The following PCDHA3 variants were observed in gnomAD, a reference collection of about 807,000 sequenced individuals.
The protein encoded by PCDHA3 is protocadherin alpha-3.
In PCDHA3, 41 loss-of-function variants were observed where a neutral mutation model predicts 62.2. The ratio of observed to expected loss-of-function variants is 0.66; its 90% CI spans 0.51 to 0.86. The LOEUF is 0.86. Among genes scored for constraint, PCDHA3 ranks in the 40% least tolerant of loss-of-function variants. PCDHA3 has a pLI of 0.00. For synonymous variants in PCDHA3, 640 were observed against 555.4 expected (o/e 1.15, Z -2.14); for missense variants, 1,304 against 1,241.2 (o/e 1.05, Z -0.76).
At chr5:140,858,437 G>A (rs1343643925) in intron 1 of PCDHA3, 1 of 1,541,834 alleles carries the variant, frequency 6.5e-7, no homozygotes, top group Non-Finnish European at 8.8e-7. Flanking sequence ...CTCTAGGAAG[G>A]TGGGTTATTA....
intron 1 of PCDHA3, chr5:140,836,747 T>A: frequency 1.9e-6 from 3 of 1,587,224 alleles, no homozygotes; most frequent in Non-Finnish European, 2.6e-6. Flanking sequence ...ATGTGAGTCA[T>A]AAATAATCTT....
chr5:140,876,873 C>G (rs781921402), intron 1 of PCDHA3: 1 of 1,614,128 alleles, frequency 6.2e-7, no homozygotes, highest in Non-Finnish European at 8.5e-7. Context: ...TGAAGGAGAA[C>G]AACCCGCCGG....
rs971447494 is a variant in PCDHA3, at chr5:140,855,570, A to G, written c.2394+51979A>G. 1.4e-4 allele frequency among the ~76,000 whole-genome samples: 21 copies of G among 149,936 alleles called. 2 individuals carry two copies. Among genetic ancestry groups the G allele is most frequent in the African/African-American group, 5.1e-4 (21 of 40,914 alleles). ...GAACTTAAATGGAACTAAAGTTGTCATTTAATAAAATATTAGTATACTCAG... is the reference window on the plus strand; with the variant it reads ...GAACTTAAATGGAACTAAAGTTGTCGTTTAATAAAATATTAGTATACTCAG... On this transcript the variant is annotated intron_variant, in intron 1 of 3. Transcript: ENST00000522353.
intron 1 of PCDHA3, chr5:140,805,617 G>A: frequency 1.1e-6 from 1 of 920,386 alleles, no homozygotes; most frequent in Non-Finnish European, 1.3e-6. Flanking sequence ...CTTTATGTAA[G>A]AAAATGTATT....
chr5:140,811,740 C>T (rs1264777389), intron 1 of PCDHA3: 1 of 152,194 alleles, frequency 6.6e-6, no homozygotes, highest in African/African-American at 2.4e-5. Context: ...TTGCATTTCT[C>T]TGATGACCAG....
At chr5:140,865,067 T>C (rs2048722686) in intron 1 of PCDHA3, 1 of 152,340 alleles carries the variant, frequency 6.6e-6, no homozygotes, top group South Asian at 2.1e-4. Context: ...ATAACTTAAG[T>C]ATAAGAACCA....
chr5:140,880,416 C>T lies in PCDHA3; in HGVS notation c.2394+76825C>T, dbSNP rs188503917. ...AAGAGCATATGGTTGACCTTAAAAG[C>T]GGGAACAGTTTTTCCTTACAACTAG... On this transcript the variant is annotated intron_variant, in intron 1 of 3. Coordinates refer to ENST00000522353, the MANE Select transcript of PCDHA3 (RefSeq NM_018906.3). Among the ~76,000 whole-genome samples, 429 of 152,140 alleles carry T rather than the reference C, an allele frequency of 2.8e-3. 2 individuals carry two copies. Among genetic ancestry groups the T allele is most frequent in the Middle Eastern group, 0.014 (4 of 294 alleles).
In PCDHA3 at chr5:140,862,844, C is replaced by T. The variant is rs782433146; in HGVS notation, c.2394+59253C>T. 8 of 571,262 alleles carry T rather than the reference C, an allele frequency of 1.4e-5. No homozygotes were observed. In the East Asian group the frequency reaches 3.8e-4, roughly 27 times the overall value. The allele number at this position is 571,262 out of a possible 1,614,324, so 35.4% of individuals were successfully genotyped here. ...AGAGCGCGCGACGCGGGCATGCCGC[C>T]TCTGAGCAGCAATGTGACGCTGCCA... is the stretch of plus-strand genomic sequence containing the variant. On this transcript the variant is annotated intron_variant, in intron 1 of 3. Coordinates refer to ENST00000522353, the MANE Select transcript of PCDHA3 (RefSeq NM_018906.3).
intron 1 of PCDHA3, chr5:140,877,813 G>A (rs781966059): frequency 6.2e-7 from 1 of 1,610,266 alleles, no homozygotes; most frequent in Admixed American, 1.7e-5. Context: ...GCTGTCTCGA[G>A]AAGATTGTTT....
intron 1 of PCDHA3, chr5:140,812,064 T>G (rs1765026594): frequency 6.6e-6 from 1 of 151,886 alleles, no homozygotes; most frequent in African/African-American, 2.4e-5. Context: ...TTTTTTTTTT[T>G]GGAAGAGTTT....
intron 1 of PCDHA3, chr5:140,827,813 G>T (rs1489929316): frequency 5.5e-6 from 2 of 360,766 alleles, no homozygotes; most frequent in Admixed American, 4.3e-5. Flanking sequence ...CGTGAGGAGG[G>T]TTTACTATAA....
intron 3 of PCDHA3, among the ~76,000 whole-genome samples, chr5:140,995,578 T>C (rs1554254730): frequency 1.3e-5 from 2 of 152,256 alleles, no homozygotes; most frequent in African/African-American, 4.8e-5. Flanking sequence ...AGATGAGCTA[T>C]GAGCTTTTAA....
At chr5:140,863,300 C>G (rs1554158081) in intron 1 of PCDHA3, 16 of 1,463,970 alleles carry the variant, frequency 1.1e-5, no homozygotes, top group Non-Finnish European at 1.5e-5. Context: ...CTGATCATCG[C>G]CATCTGCGTG....
At chr5:140,988,805 C>T (rs782160959) in intron 3 of PCDHA3, 8 of 152,232 alleles carry the variant, frequency 5.3e-5, no homozygotes, top group African/African-American at 1.4e-4. Context: ...GAATTTCTTC[C>T]GTAACAGTAG....
rs912184171 is a variant in PCDHA3 at position 140,852,142 on chromosome 5, T to G, written c.2394+48551T>G. 6 of 876,650 alleles carry G rather than the reference T, an allele frequency of 6.8e-6. No individual in the cohort carries two copies. In the African/African-American group the frequency reaches 1.1e-4, roughly 16 times the overall value. The allele number at this position is 876,650 out of a possible 1,614,324, so 54.3% of individuals were successfully genotyped here. ...TAATTAAAAACTCAGTAGAGAAAGA[T>G]CAGAATGGCCTTGAGAATAGAGCCA... On this transcript the variant is annotated intron_variant, in intron 1 of 3. Transcript: ENST00000522353.
At chr5:140,981,629 G>A (rs1342775971) in intron 2 of PCDHA3, among the ~76,000 whole-genome samples, 1 of 151,994 alleles carries the variant, frequency 6.6e-6, no homozygotes. Flanking sequence ...GGTTTTCTTG[G>A]ACATTTTCTC....
In PCDHA3 at chr5:140,852,367, T is replaced by C. The variant is rs2150515720; in HGVS notation, c.2394+48776T>C. On this transcript the variant is annotated intron_variant, in intron 1 of 3. Transcript: ENST00000522353. Reference sequence around the variant, plus strand: ...ATCTTGGCTCACTGCAACGTCTGCCTCCTGGGTTCAAGCAATTCTCCTGCC... The same window carrying C: ...ATCTTGGCTCACTGCAACGTCTGCCCCCTGGGTTCAAGCAATTCTCCTGCC... 73 of 201,190 alleles carry C rather than the reference T, an allele frequency of 3.6e-4. 4 individuals are homozygous for C. The highest frequency in any genetic ancestry group is 6.9e-4 in the Non-Finnish European group (70 of 101,398). 12.5% of individuals were successfully genotyped at this position (201,190 alleles called of 1,614,324 possible).
At chr5:141,003,658 A>G (rs1379758431) in intron 3 of PCDHA3, among the ~76,000 whole-genome samples, 2 of 152,212 alleles carry the variant, frequency 1.3e-5, no homozygotes, top group Non-Finnish European at 2.9e-5. Flanking sequence ...GTATGCATTT[A>G]TTAAAATATA....
chr5:140,863,361 C>T (rs1562578610), intron 1 of PCDHA3: 1 of 1,203,518 alleles, frequency 8.3e-7, no homozygotes. Flanking sequence ...CGCTGCGGTG[C>T]TTGGCGCAGC....
Sources: allele counts gnomAD v4.1 joint callset (sites outside exome capture counted in the v4.1 genomes callset), GRCh38; gene constraint gnomAD v4.1.1; transcripts MANE v1.5; gene names NCBI Gene and HGNC (gene_info 2026-07-23, HGNC 2026-07-21).